RERG: variants seen among roughly 807,000 people sequenced by gnomAD.
RERG encodes the protein ras-related and estrogen-regulated growth inhibitor.
RERG carries 25 observed loss-of-function variants against 23.2 expected under a neutral mutation model. The ratio of observed to expected loss-of-function variants is 1.08; its 90% CI spans 0.79 to 1.50. RERG has a LOEUF of 1.50. Among genes scored for constraint, RERG ranks in the 40% most tolerant of loss-of-function variants. RERG has a pLI of 0.00. For synonymous variants in RERG, 81 were observed against 89.1 expected (o/e 0.91, Z 0.51); for missense variants, 253 against 250.1 (o/e 1.01, Z -0.08).
intron 2 of RERG, among the ~76,000 whole-genome samples, chr12:15,178,304 T>A (rs938253909): frequency 6.6e-6 from 1 of 152,138 alleles, no homozygotes; most frequent in Non-Finnish European, 1.5e-5. Context: ...ATGGCAGCAT[T>A]GAGTTTTTCT....
At chr12:15,198,641 C>T (rs1865176778) in intron 2 of RERG, among the ~76,000 whole-genome samples, 1 of 152,116 alleles carries the variant, frequency 6.6e-6, no homozygotes, top group South Asian at 2.1e-4. Context: ...TCATAGAGTT[C>T]TGTAGATTAG....
chr12:15,119,527 T>C (rs1863793977), intron 3 of RERG, among the ~76,000 whole-genome samples: 1 of 152,092 alleles, frequency 6.6e-6, no homozygotes, highest in African/African-American at 2.4e-5. Flanking sequence ...CTTATGTAAG[T>C]AATAAAAATA....
intron 2 of RERG, among the ~76,000 whole-genome samples, chr12:15,175,333 CTGTGTGTGTG>C (rs532399275): frequency 0.014 from 1,558 of 112,224 alleles, 39 homozygotes; most frequent in African/African-American, 0.043. Flanking sequence ...CTCTCAGGCT[CTGTGTGTGTG>C]TGTGTGTGTG....
chr12:15,178,430 T>C (rs1207306317), intron 2 of RERG, among the ~76,000 whole-genome samples: 2 of 152,304 alleles, frequency 1.3e-5, no homozygotes, highest in Admixed American at 6.5e-5. Context: ...AAATAATCAG[T>C]ACACTATCTA....
intron 2 of RERG, among the ~76,000 whole-genome samples, chr12:15,153,629 T>A (rs1229396417): frequency 6.6e-6 from 1 of 152,142 alleles, no homozygotes; most frequent in African/African-American, 2.4e-5. Flanking sequence ...TCACGGTGCA[T>A]TACTTTTGGC....
Position 15,118,034 on chromosome 12 carries a change from G to A in RERG, c.118+3029C>T, listed in dbSNP as rs58852838. On this transcript the variant is annotated intron_variant, in intron 3 of 4. Transcript: ENST00000256953. ...TAAAATAAAACTAAAATTGTTCAAT[G>A]TAAGGAACTGATTTTTTTTACATTG... Among the ~76,000 whole-genome samples the A allele has an allele frequency of 5.2e-3, 782 of 149,142 alleles. 9 individuals are homozygous for A. The highest frequency in any genetic ancestry group is 0.018 in the African/African-American group (738 of 41,510).
At chr12:15,196,951 C>T (rs181581403) in intron 2 of RERG, among the ~76,000 whole-genome samples, 8 of 152,204 alleles carry the variant, frequency 5.3e-5, no homozygotes. Flanking sequence ...TCTCATGAGA[C>T]CACAGGTCTA....
chr12:15,126,578 C>A (rs958935284), intron 2 of RERG, among the ~76,000 whole-genome samples: 4 of 152,026 alleles, frequency 2.6e-5, no homozygotes, highest in Non-Finnish European at 5.9e-5. Context: ...TAGCATAGCG[C>A]CCTTAAAAGC....
intron 2 of RERG, among the ~76,000 whole-genome samples, chr12:15,133,249 CCT>C (rs1296102054): frequency 6.7e-6 from 1 of 148,584 alleles, no homozygotes; most frequent in Non-Finnish European, 1.5e-5. Context: ...CCTATTCATC[CCT>C]CTCTTCCCCC....
intron 2 of RERG, among the ~76,000 whole-genome samples, chr12:15,145,586 G>A (rs947775284): frequency 5.9e-5 from 9 of 152,190 alleles, no homozygotes; most frequent in South Asian, 2.1e-4. Context: ...ACCTGTGCAC[G>A]TGCTGCAATC....
At chr12:15,133,074 A>T (rs1229996796) in intron 2 of RERG, among the ~76,000 whole-genome samples, 1 of 137,284 alleles carries the variant, frequency 7.3e-6, no homozygotes, top group Non-Finnish European at 1.5e-5. Flanking sequence ...ATGAATCTAC[A>T]TTGATACATT....
intron 2 of RERG, among the ~76,000 whole-genome samples, chr12:15,211,785 C>T (rs1223804340): frequency 6.6e-6 from 1 of 152,118 alleles, no homozygotes; most frequent in East Asian, 1.9e-4. Flanking sequence ...TCAAATTATA[C>T]TCTATAAACA....
chr12:15,166,030 C>G (rs1565525832), intron 2 of RERG, among the ~76,000 whole-genome samples: 1 of 152,172 alleles, frequency 6.6e-6, no homozygotes, highest in Non-Finnish European at 1.5e-5. Flanking sequence ...ATTATCACTA[C>G]TAGAGATAAT....
chr12:15,209,509 G>GC (rs765424020), intron 2 of RERG, among the ~76,000 whole-genome samples: 2 of 147,344 alleles, frequency 1.4e-5, no homozygotes, highest in African/African-American at 4.9e-5. Flanking sequence ...TGATTCATCA[G>GC]TTTTTTTTTT....
intron 2 of RERG, among the ~76,000 whole-genome samples, chr12:15,142,478 T>C (rs1424772724): frequency 6.6e-6 from 1 of 152,212 alleles, no homozygotes; most frequent in Non-Finnish European, 1.5e-5. Flanking sequence ...TGTTTGGAAA[T>C]AAACTAATTT....
chr12:15,198,221 G>A (rs1865170780), intron 2 of RERG, among the ~76,000 whole-genome samples: 1 of 151,898 alleles, frequency 6.6e-6, no homozygotes, highest in Non-Finnish European at 1.5e-5. Flanking sequence ...CCTCTGTTTT[G>A]TGTACCGCTC....
rs1241586535 is a variant in RERG at position 15,155,082 on chromosome 12, A to G, written c.62-33963T>C. The G allele has an allele frequency of 2.0e-5, 3 of 152,322 alleles. No individual in the cohort carries two copies. The East Asian group carries it at 5.8e-4, about 29-fold the overall frequency. 9.4% of individuals were successfully genotyped at this position (152,322 alleles called of 1,614,324 possible). A position where few individuals can be genotyped will look rare whatever the true frequency, so the allele number is the denominator to read the frequency against. On this transcript the variant is annotated intron_variant, in intron 2 of 4. Coordinates refer to ENST00000256953, the MANE Select transcript of RERG (RefSeq NM_032918.3). ...TCAGCTAAGAGATATTCAGACTGGAAAAAACTAAATAAAGAATATAAAACA... is the reference window on the plus strand; with the variant it reads ...TCAGCTAAGAGATATTCAGACTGGAGAAAACTAAATAAAGAATATAAAACA...
At chr12:15,120,101 G>A (rs886264848) in intron 3 of RERG, among the ~76,000 whole-genome samples, 2 of 152,112 alleles carry the variant, frequency 1.3e-5, no homozygotes, top group African/African-American at 4.8e-5. Flanking sequence ...TAAATAACAG[G>A]AGGAAAATTG....
rs774785154 is a variant in RERG at position 15,214,031 on chromosome 12, TGTGTGTGCGC to T, written c.61+3388_61+3397del. ...GTGTGTGTGTGTGTGTGTGTGTGTG[TGTGTGTGCGC>T]GTGTGTGGAGTTTTTACCTTATAAG... On this transcript the variant is annotated intron_variant, in intron 2 of 4. Coordinates refer to ENST00000256953, the MANE Select transcript of RERG (RefSeq NM_032918.3). 8.7e-3 allele frequency among the ~76,000 whole-genome samples: 985 copies of T among 113,702 alleles called. 7 individuals are homozygous for T. The highest frequency in any genetic ancestry group is 0.023 in the African/African-American group (471 of 20,116). 74.6% of individuals were successfully genotyped at this position (113,702 alleles called of 152,430 possible).
Sources: gnomAD v4.1 joint callset for allele counts (sites outside exome capture counted in the v4.1 genomes callset) on GRCh38, gnomAD v4.1.1 for gene constraint, MANE v1.5 for transcripts, NCBI Gene and HGNC (gene_info 2026-07-23, HGNC 2026-07-21) for gene names.